The following EYS variants were observed in gnomAD, a reference collection of about 807,000 sequenced individuals.
EYS encodes the protein EGF-like photoreceptor maintenance factor, also known as protein eyes shut homolog.
EYS carries 250 observed loss-of-function variants against 282.1 expected under a neutral mutation model. The ratio of observed to expected loss-of-function variants is 0.89; its 90% CI spans 0.80 to 0.98. The LOEUF (loss-of-function observed/expected upper bound fraction) is 0.98, where lower values mean the gene tolerates loss of function less well. Ranked by LOEUF, EYS falls within the 50% of genes least tolerant of loss-of-function variation. The pLI is 0.00. For synonymous variants in EYS, 1,355 were observed against 1,282.9 expected (o/e 1.06, Z -1.20); for missense variants, 4,016 against 3,709.0 (o/e 1.08, Z -2.15).
chr6:65,645,296 C>T (rs891468610), intron 1 of EYS, among the ~76,000 whole-genome samples: 1 of 152,054 alleles, frequency 6.6e-6, no homozygotes, highest in Non-Finnish European at 1.5e-5. Context: ...ACAAATAAGT[C>T]TCAGTAAATT....
At chr6:64,538,893 C>T (rs1764610176) in intron 26 of EYS, among the ~76,000 whole-genome samples, 1 of 152,056 alleles carries the variant, frequency 6.6e-6, no homozygotes, top group South Asian at 2.1e-4. Context: ...TCTACTCCAC[C>T]AGGAATAACA....
At chr6:65,355,396 C>G (rs1406826446) in intron 8 of EYS, among the ~76,000 whole-genome samples, 22 of 89,630 alleles carry the variant, frequency 2.5e-4, no homozygotes, top group African/African-American at 9.5e-4. Flanking sequence ...ATATCCTCTT[C>G]TGGACACTGG....
chr6:64,325,939 A>C (rs1770403351), intron 29 of EYS, among the ~76,000 whole-genome samples: 1 of 152,148 alleles, frequency 6.6e-6, no homozygotes, highest in Non-Finnish European at 1.5e-5. Context: ...AATAATTGGT[A>C]TTCCTAAGGA....
chr6:64,705,492 GA>G (rs1770972631), intron 22 of EYS, among the ~76,000 whole-genome samples: 1 of 151,346 alleles, frequency 6.6e-6, no homozygotes, highest in Admixed American at 6.6e-5. Flanking sequence ...AATTCATATG[GA>G]ACCAAAAAAA....
At chr6:64,603,953 T>C (rs1001074097) in intron 24 of EYS, among the ~76,000 whole-genome samples, 1 of 151,628 alleles carries the variant, frequency 6.6e-6, no homozygotes, top group African/African-American at 2.4e-5. Flanking sequence ...CTCAAGAATA[T>C]ATATAATGCT....
intron 26 of EYS, 99 bp downstream of exon 26, chr6:64,590,124 G>T: frequency 2.0e-6 from 2 of 1,012,140 alleles, no homozygotes; most frequent in Non-Finnish European, 2.9e-6. Flanking sequence ...ATTACAATGA[G>T]GCTGTTCAGA....
chr6:63,947,886 C>T (rs937311973), intron 35 of EYS, among the ~76,000 whole-genome samples: 6 of 152,224 alleles, frequency 3.9e-5, no homozygotes, highest in African/African-American at 1.2e-4. Flanking sequence ...AAGGTCATGA[C>T]ATAACGTTAT....
chr6:63,976,030 G>C (rs1766820482), intron 35 of EYS, among the ~76,000 whole-genome samples: 1 of 151,944 alleles, frequency 6.6e-6, no homozygotes, highest in African/African-American at 2.4e-5. Context: ...TCTGAATACT[G>C]TAGGCAATTG....
chr6:65,255,329 G>T (rs1767431963), intron 12 of EYS, among the ~76,000 whole-genome samples: 1 of 151,938 alleles, frequency 6.6e-6, no homozygotes, highest in African/African-American at 2.4e-5. Flanking sequence ...TCCATTTTCA[G>T]AAGAATGAAA....
intron 5 of EYS, among the ~76,000 whole-genome samples, chr6:65,435,745 G>C (rs527521442): frequency 4.6e-5 from 7 of 152,054 alleles, no homozygotes; most frequent in African/African-American, 1.7e-4. Context: ...AATTCAGAAA[G>C]TAACTGTATT....
At chr6:64,152,188 T>C (rs1051514260) in intron 31 of EYS, among the ~76,000 whole-genome samples, 1 of 152,126 alleles carries the variant, frequency 6.6e-6, no homozygotes, top group African/African-American at 2.4e-5. Context: ...CTTTAGAGCA[T>C]GGGAAATAAA....
At chr6:64,045,699 G>A (rs975742200) in intron 33 of EYS, among the ~76,000 whole-genome samples, 87 of 150,606 alleles carry the variant, frequency 5.8e-4, no homozygotes, top group Admixed American at 1.3e-3. Flanking sequence ...TGCCCGCCTC[G>A]GCCTCCCAAA....
At position 63,722,760 on chromosome 6, in the gene EYS, TC is replaced by T. The variant is rs555359901; in HGVS notation, c.8234-964del. ...CCTCCAGAGTGCCTATTTCCACACCTCCCTCCTGCAAATGGTGTTCTTTCCT... is the reference window on the plus strand; with the variant it reads ...CCTCCAGAGTGCCTATTTCCACACCTCCTCCTGCAAATGGTGTTCTTTCCT... On this transcript the variant is annotated intron_variant, in intron 42 of 42. Transcript: ENST00000503581. 3.0e-4 allele frequency among the ~76,000 whole-genome samples: 46 copies of T among 152,276 alleles called. No homozygotes were observed. In the South Asian group the frequency reaches 9.3e-3, roughly 31 times the overall value.
intron 13 of EYS, among the ~76,000 whole-genome samples, chr6:65,046,130 T>C (rs1425763462): frequency 6.6e-6 from 1 of 151,842 alleles, no homozygotes; most frequent in Non-Finnish European, 1.5e-5. Flanking sequence ...TCTCTTTATT[T>C]CCTCAATTCT....
At chr6:64,176,091 C>T (rs1764625612) in intron 31 of EYS, among the ~76,000 whole-genome samples, 1 of 151,988 alleles carries the variant, frequency 6.6e-6, no homozygotes. Context: ...AGGCAGATGG[C>T]ACACAGTCCC....
At chr6:65,180,505 T>A (rs1021318907) in intron 12 of EYS, among the ~76,000 whole-genome samples, 1 of 152,066 alleles carries the variant, frequency 6.6e-6, no homozygotes, top group African/African-American at 2.4e-5. Flanking sequence ...ACAAGGGACG[T>A]GAAGGACCTC....
chr6:64,539,107 T>C (rs958179291), intron 26 of EYS, among the ~76,000 whole-genome samples: 3 of 152,224 alleles, frequency 2.0e-5, no homozygotes, highest in African/African-American at 7.2e-5. Flanking sequence ...GTTCTGTGCA[T>C]GTTGCAGTTG....
intron 26 of EYS, among the ~76,000 whole-genome samples, chr6:64,549,739 T>C (rs1203794730): frequency 2.7e-5 from 4 of 150,722 alleles, no homozygotes; most frequent in African/African-American, 9.9e-5. Context: ...AAATCTTTTT[T>C]TTTTTTTTTT....
At chr6:65,398,824 T>A (rs1481218864) in intron 7 of EYS, among the ~76,000 whole-genome samples, 4 of 152,106 alleles carry the variant, frequency 2.6e-5, no homozygotes, top group Non-Finnish European at 5.9e-5. Context: ...TGTTTTACAC[T>A]CCTGCCAACC....
Sources: gnomAD v4.1 joint callset for allele counts (sites outside exome capture counted in the v4.1 genomes callset) on GRCh38, gnomAD v4.1.1 for gene constraint, MANE v1.5 for transcripts, NCBI Gene and HGNC (gene_info 2026-07-23, HGNC 2026-07-21) for gene names.